PRH1: variants seen among roughly 807,000 people sequenced by gnomAD.
PRH1 encodes salivary acidic proline-rich phosphoprotein 1/2.
PRH1 carries 7 observed loss-of-function variants against 7.9 expected under a neutral mutation model. That is an observed-to-expected ratio of 0.89 (90% CI 0.50 to 1.67). The LOEUF is 1.67. Ranked by LOEUF, PRH1 falls within the 40% of genes most tolerant of loss-of-function variation. The probability of loss-of-function intolerance (pLI) is 0.00; values close to 1 mark genes in which losing one functional copy is unlikely to be tolerated. For missense variants in PRH1, 109 were observed against 223.6 expected (o/e 0.49, Z 3.27); for synonymous variants, 45 against 80.8 (o/e 0.56, Z 2.38).
intron 1 of PRH1, among the ~76,000 whole-genome samples, chr12:11,115,246 A>T (rs1189136982): frequency 6.6e-6 from 1 of 152,208 alleles, no homozygotes; most frequent in Non-Finnish European, 1.5e-5. Flanking sequence ...AAAAAAGTGG[A>T]GTACCTATAC....
At chr12:11,154,652 GAAC>G (rs1163031774) in intron 1 of PRH1, among the ~76,000 whole-genome samples, 1 of 152,186 alleles carries the variant, frequency 6.6e-6, no homozygotes, top group Non-Finnish European at 1.5e-5. Context: ...GCCTTCAAAA[GAAC>G]AACTGAAAAG....
intron 1 of PRH1, among the ~76,000 whole-genome samples, chr12:11,067,844 C>G (rs1420373533): frequency 2.6e-5 from 4 of 152,142 alleles, no homozygotes; most frequent in Non-Finnish European, 4.4e-5. Context: ...GCCTGGGCAA[C>G]AGAGAGAGAC....
intron 1 of PRH1, among the ~76,000 whole-genome samples, chr12:11,034,537 AAC>A (rs910247473): frequency 1.0e-5 from 1 of 98,646 alleles, no homozygotes; most frequent in African/African-American, 3.8e-5. Context: ...TTATTTTCTA[AAC>A]ATTCATTTAG....
intron 1 of PRH1, among the ~76,000 whole-genome samples, chr12:11,143,727 A>T (rs902990766): frequency 1.3e-5 from 2 of 152,210 alleles, no homozygotes; most frequent in African/African-American, 4.8e-5. Context: ...AAAAACTATG[A>T]AGCGACAAAG....
intron 1 of PRH1, among the ~76,000 whole-genome samples, chr12:11,039,838 C>T (rs1266778405): frequency 6.6e-6 from 1 of 152,222 alleles, no homozygotes; most frequent in Non-Finnish European, 1.5e-5. Flanking sequence ...TACACACATA[C>T]ATACATACTC....
rs144517570 is a variant in PRH1, at chr12:11,087,402, G to C, written n.124-40214C>G. ...AGCCATGACATCCAGCCTGCATTGA[G>C]AGTTTCTGAAGGTCAGATGCTACCT... On this transcript the variant is annotated intron_variant and non_coding_transcript_variant, in intron 1 of 4. Coordinates refer to the PRH1 transcript ENST00000541977. 1.4e-4 allele frequency among the ~76,000 whole-genome samples: 17 copies of C among 117,246 alleles called. 2 individuals are homozygous for C. In the East Asian group the frequency reaches 3.6e-3, roughly 25 times the overall value. 76.9% of individuals were successfully genotyped at this position (117,246 alleles called of 152,430 possible). A position where few individuals can be genotyped will look rare whatever the true frequency, so the allele number is the denominator to read the frequency against.
intron 2 of PRH1, among the ~76,000 whole-genome samples, chr12:10,909,993 T>C (rs1488539486): frequency 2.6e-5 from 4 of 152,152 alleles, no homozygotes; most frequent in African/African-American, 4.8e-5. Context: ...TATCCGCTTT[T>C]CCCCTCATAT....
At chr12:11,126,439 A>G (rs1411233875) in intron 1 of PRH1, among the ~76,000 whole-genome samples, 4 of 152,252 alleles carry the variant, frequency 2.6e-5, no homozygotes, top group Non-Finnish European at 4.4e-5. Context: ...CATTCTTTAT[A>G]AACGTCTCTC....
Position 11,082,002 on chromosome 12 carries a change from T to G in PRH1, n.124-34814A>C, listed in dbSNP as rs73062972. 7.5e-3 allele frequency among the ~76,000 whole-genome samples: 651 copies of G among 87,130 alleles called. 2 individuals are homozygous for G. Among genetic ancestry groups the G allele is most frequent in the Middle Eastern group, 0.017 (3 of 180 alleles). The allele number at this position is 87,130 out of a possible 152,430, so 57.2% of individuals were successfully genotyped here. On this transcript the variant is annotated intron_variant and non_coding_transcript_variant, in intron 1 of 4. Transcript: ENST00000541977. The stretch of plus-strand genomic sequence containing the variant: ...ATAATTGTTTCCTTAAGCATTGTAT[T>G]TTAAACTACACTACACTTAACTTTC...
intron 2 of PRH1, chr12:10,929,489 C>A: frequency 1.1e-6 from 1 of 880,282 alleles, no homozygotes; most frequent in Non-Finnish European, 1.8e-6. Context: ...GTTGTGCCTT[C>A]ATTCCTCATC....
upstream of PRH1, chr12:11,048,564 C>G (rs111568930): frequency 5.4e-6 from 2 of 371,104 alleles, no homozygotes; most frequent in Non-Finnish European, 1.0e-5. Context: ...GGAAGGAGAT[C>G]ACAGTTTGCA....
chr12:11,136,216 A>G (rs1207312752), intron 1 of PRH1, among the ~76,000 whole-genome samples: 3 of 151,660 alleles, frequency 2.0e-5, no homozygotes, highest in Admixed American at 2.0e-4. Flanking sequence ...CCTGCTTTGA[A>G]CTCTGTGTAG....
chr12:11,104,181 TAAAAAAAAAAAAA>T (rs760838136), intron 1 of PRH1, among the ~76,000 whole-genome samples: 1 of 49,592 alleles, frequency 2.0e-5, no homozygotes, highest in Non-Finnish European at 4.2e-5. Flanking sequence ...AATGAAAGAG[TAAAAAAAAAAAAA>T]AAAAAAAAAG....
rs1318201197 is a variant in PRH1 at position 11,080,500 on chromosome 12, G to C, written n.124-33312C>G. On this transcript the variant is annotated intron_variant and non_coding_transcript_variant, in intron 1 of 4. Transcript: ENST00000541977. ...ATATATACCTGGGTGTGAAATTACA[G>C]GGTCCTTGATAAACGTTCACATTCT... 5.2e-5 allele frequency among the ~76,000 whole-genome samples: 6 copies of C among 115,862 alleles called. 2 individuals are homozygous for C. Among genetic ancestry groups the C allele is most frequent in the African/African-American group, 8.7e-5 (3 of 34,652 alleles). The allele number at this position is 115,862 out of a possible 152,430, so 76.0% of individuals were successfully genotyped here.
intron 2 of PRH1, among the ~76,000 whole-genome samples, chr12:10,907,546 ATATATC>A (rs1565463092): frequency 2.6e-5 from 4 of 152,044 alleles, no homozygotes; most frequent in African/African-American, 7.2e-5. Flanking sequence ...TATGGCATCT[ATATATC>A]TATATCTATA....
At chr12:11,115,206 GA>G (rs1945697643) in intron 1 of PRH1, among the ~76,000 whole-genome samples, 1 of 152,046 alleles carries the variant, frequency 6.6e-6, no homozygotes, top group African/African-American at 2.4e-5. Context: ...CAACGGGATG[GA>G]AAAAGATAAT....
chr12:10,918,080 T>G (rs11054073), intron 2 of PRH1, among the ~76,000 whole-genome samples: 1 of 151,972 alleles, frequency 6.6e-6, no homozygotes, highest in Non-Finnish European at 1.5e-5. Flanking sequence ...GGGACATGGA[T>G]GAAGCTGGAA....
chr12:10,890,523 T>C (rs1164247545), intron 2 of PRH1, among the ~76,000 whole-genome samples: 1 of 152,144 alleles, frequency 6.6e-6, no homozygotes, highest in African/African-American at 2.4e-5. Context: ...AAGGCCCTGC[T>C]ATCTTCTATT....
chr12:11,041,666 G>T (rs980598502), intron 1 of PRH1, among the ~76,000 whole-genome samples: 1 of 152,186 alleles, frequency 6.6e-6, no homozygotes, highest in African/African-American at 2.4e-5. Flanking sequence ...CCCAAAAGTT[G>T]CAGAATAAAC....
Sources: allele counts gnomAD v4.1 joint callset (sites outside exome capture counted in the v4.1 genomes callset), GRCh38; gene constraint gnomAD v4.1.1; transcripts MANE v1.5; gene names NCBI Gene and HGNC (gene_info 2026-07-23, HGNC 2026-07-21).